Variants in ZNF713 observed in about 807,000 individuals in gnomAD.
ZNF713 encodes the protein zinc finger protein 713.
ZNF713 carries 21 observed loss-of-function variants against 28.7 expected under a neutral mutation model. The observed-to-expected ratio is 0.73, with a 90% CI of 0.52 to 1.05. The LOEUF is 1.05. Among genes scored for constraint, ZNF713 ranks in the 50% least tolerant of loss-of-function variants. ZNF713 has a pLI of 0.00. For missense variants in ZNF713, 458 were observed against 532.4 expected (o/e 0.86, Z 1.37); for synonymous variants, 167 against 178.0 (o/e 0.94, Z 0.49).
At chr7:55,904,449 CCAGACT>C (rs1433003601) in intron 1 of ZNF713, among the ~76,000 whole-genome samples, 1 of 100,420 alleles carries the variant, frequency 1.0e-5, no homozygotes, top group African/African-American at 3.7e-5. Flanking sequence ...GACAACAGAG[CCAGACT>C]GTATCTTTAA....
intron 1 of ZNF713, among the ~76,000 whole-genome samples, chr7:55,898,720 G>A (rs1010610225): frequency 7.9e-5 from 12 of 152,174 alleles, no homozygotes; most frequent in African/African-American, 2.2e-4. Context: ...ACTCAGTAGC[G>A]AGAAAACAAG....
chr7:55,932,890 C>CAAAAAAAAAAA (rs61092452), intron 6 of ZNF713, among the ~76,000 whole-genome samples: 3,929 of 47,066 alleles, frequency 0.083, 259 homozygotes, highest in African/African-American at 0.12. Flanking sequence ...GACTCCGTCT[C>CAAAAAAAAAAA]AAAAAAAAAA....
Position 55,940,588 on chromosome 7 carries a change from G to T in ZNF713, c.*582G>T, listed in dbSNP as rs148048186. 1,539 of 976,920 alleles carry T rather than the reference G, an allele frequency of 1.6e-3. 27 individuals carry two copies. The African/African-American group carries it at 0.025, about 16-fold the overall frequency. The allele number at this position is 976,920 out of a possible 1,614,324, so 60.5% of individuals were successfully genotyped here. A position where few individuals can be genotyped will look rare whatever the true frequency, so the allele number is the denominator to read the frequency against. On this transcript the variant is annotated 3_prime_UTR_variant, in exon 7 of 7. Transcript: ENST00000429591. ...TATAAAACTTTTTAAAAAATCAGAAGTCCTTATCCAGGCATGGTGGTGCAC... is the reference window on the plus strand; with the variant it reads ...TATAAAACTTTTTAAAAAATCAGAATTCCTTATCCAGGCATGGTGGTGCAC...
At chr7:55,936,663 G>T (rs1472442503) in intron 6 of ZNF713, among the ~76,000 whole-genome samples, 1 of 152,066 alleles carries the variant, frequency 6.6e-6, no homozygotes, top group Non-Finnish European at 1.5e-5. Context: ...GGCCTTTGTG[G>T]GTCAGCCAGG....
At chr7:55,922,196 G>A (rs1786005592) in intron 4 of ZNF713, among the ~76,000 whole-genome samples, 1 of 151,402 alleles carries the variant, frequency 6.6e-6, no homozygotes, top group African/African-American at 2.4e-5. Context: ...CAAAGTGTTG[G>A]GATTATAGGC....
chr7:55,933,497 A>G (rs536340097), intron 6 of ZNF713, among the ~76,000 whole-genome samples: 2 of 151,910 alleles, frequency 1.3e-5, no homozygotes, highest in South Asian at 2.1e-4. Flanking sequence ...GGGTTTCACT[A>G]TGTTGGCCAG....
chr7:55,915,837 A>G (rs1257706411), intron 4 of ZNF713, among the ~76,000 whole-genome samples: 1 of 152,208 alleles, frequency 6.6e-6, no homozygotes, highest in African/African-American at 2.4e-5. Flanking sequence ...CTTTGGGGGA[A>G]TTTAAGCAGA....
At chr7:55,888,668 C>T (rs1218716624) in intron 1 of ZNF713, among the ~76,000 whole-genome samples, 9 of 152,148 alleles carry the variant, frequency 5.9e-5, no homozygotes, top group Admixed American at 3.3e-4. Context: ...GCATGAGCCA[C>T]GGCGTTCGGC....
intron 4 of ZNF713, among the ~76,000 whole-genome samples, chr7:55,916,002 G>C (rs1785875995): frequency 6.6e-6 from 1 of 152,172 alleles, no homozygotes; most frequent in African/African-American, 2.4e-5. Flanking sequence ...CTAGTCATTG[G>C]AGGAAAGGAG....
chr7:55,932,797 T>C (rs1267043339), intron 6 of ZNF713, among the ~76,000 whole-genome samples: 25 of 133,308 alleles, frequency 1.9e-4, no homozygotes, highest in Non-Finnish European at 2.6e-4. Flanking sequence ...GGTGGGAGAA[T>C]GGCGTGAACC....
In ZNF713 at chr7:55,887,542, C is replaced by G. The variant is rs1785265457; in HGVS notation, c.-721C>G. 1 of 171,906 alleles carries G rather than the reference C, an allele frequency of 5.8e-6. No homozygotes were observed. The highest frequency in any genetic ancestry group is 2.4e-5 in the African/African-American group (1 of 41,592). 10.6% of individuals were successfully genotyped at this position (171,906 alleles called of 1,614,324 possible). A position where few individuals can be genotyped will look rare whatever the true frequency, so the allele number is the denominator to read the frequency against. The stretch of plus-strand genomic sequence containing the variant: ...TGGACCGGCCCCAGGAGCCCAGTCA[C>G]CGGGCGTCATTGGCTCAGGCTGCGG... On this transcript the variant is annotated 5_prime_UTR_variant, in exon 1 of 7. Coordinates refer to ENST00000429591, the MANE Select transcript of ZNF713 (RefSeq NM_182633.3).
At chr7:55,928,624 C>G (rs180955781) in intron 6 of ZNF713, among the ~76,000 whole-genome samples, 1 of 152,190 alleles carries the variant, frequency 6.6e-6, no homozygotes, top group East Asian at 1.9e-4. Context: ...GCACAAACAA[C>G]TACCAGTTGG....
chr7:55,887,794 CGGA>C (rs1205675110), intron 1 of ZNF713, 114 bp downstream of exon 1: 8 of 470 alleles, frequency 0.017, 2 homozygotes, highest in Non-Finnish European at 0.045. Context: ...AGGCGGGGGG[CGGA>C]GGCGGGGGGC....
chr7:55,892,627 C>G (rs1455053036), intron 1 of ZNF713, among the ~76,000 whole-genome samples: 1 of 148,008 alleles, frequency 6.8e-6, no homozygotes, highest in Non-Finnish European at 1.5e-5. Flanking sequence ...AATCCCAGCA[C>G]TTTAGGAGAC....
chr7:55,891,553 C>T (rs1229611511), intron 1 of ZNF713, among the ~76,000 whole-genome samples: 1 of 151,802 alleles, frequency 6.6e-6, no homozygotes, highest in Admixed American at 6.6e-5. Context: ...AAAAGCCACA[C>T]GTGGTGGTGC....
intron 6 of ZNF713, among the ~76,000 whole-genome samples, chr7:55,927,474 G>T (rs57853780): frequency 2.6e-5 from 4 of 152,026 alleles, no homozygotes; most frequent in Non-Finnish European, 5.9e-5. Flanking sequence ...AGTGAGTTAC[G>T]ATGGCACCAC....
At chr7:55,912,830 G>A (rs1406611691) in intron 4 of ZNF713, 107 bp downstream of exon 4, 1 of 839,752 alleles carries the variant, frequency 1.2e-6, no homozygotes, top group Non-Finnish European at 2.0e-6. Context: ...CAGAGCCCAG[G>A]AGATTCATGT....
In ZNF713 at chr7:55,938,971, A is replaced by G; in HGVS notation, c.308-11A>G. ...ATTGGAAAGTATTTGTATGTTCTGA[A>G]TTTCTTTTAGATGGAGAAAACAGAC... On this transcript the variant is annotated splice_polypyrimidine_tract_variant and intron_variant, in intron 6 of 6. Coordinates refer to ENST00000429591, the MANE Select transcript of ZNF713 (RefSeq NM_182633.3). 6.4e-7 allele frequency: 1 copy of G among 1,558,020 alleles called. No homozygotes were observed. Among genetic ancestry groups the G allele is most frequent in the South Asian group, 1.2e-5 (1 of 83,410 alleles).
At chr7:55,914,041 G>A (rs1316641743) in intron 4 of ZNF713, among the ~76,000 whole-genome samples, 1 of 150,994 alleles carries the variant, frequency 6.6e-6, no homozygotes, top group Non-Finnish European at 1.5e-5. Context: ...AACCTGGTAG[G>A]CAGAGGTTGC....
Sources: gnomAD v4.1 joint callset for allele counts (sites outside exome capture counted in the v4.1 genomes callset) on GRCh38, gnomAD v4.1.1 for gene constraint, MANE v1.5 for transcripts, NCBI Gene and HGNC (gene_info 2026-07-23, HGNC 2026-07-21) for gene names.